Variants in MNAT1 observed in about 807,000 individuals in gnomAD.
MNAT1 encodes the protein MNAT1 component of CDK activating kinase.
MNAT1 carries 43 observed loss-of-function variants against 42.0 expected under a neutral mutation model. That is an observed-to-expected ratio of 1.02 (90% CI 0.80 to 1.32). The LOEUF (loss-of-function observed/expected upper bound fraction) is 1.32, where lower values mean the gene tolerates loss of function less well. Ranked by LOEUF, MNAT1 falls within the 40% of genes most tolerant of loss-of-function variation. The pLI is 0.00. For missense variants in MNAT1, 306 were observed against 350.4 expected (o/e 0.87, Z 1.01); for synonymous variants, 118 against 120.0 (o/e 0.98, Z 0.11).
At chr14:60,805,455 G>T (rs143520705) in intron 3 of MNAT1, among the ~76,000 whole-genome samples, 287 of 152,212 alleles carry the variant, frequency 1.9e-3, no homozygotes, top group African/African-American at 6.8e-3. Flanking sequence ...CATTTTTGGT[G>T]CTGTATACCC....
At chr14:60,861,965 T>A (rs1394845033) in intron 6 of MNAT1, among the ~76,000 whole-genome samples, 1 of 152,188 alleles carries the variant, frequency 6.6e-6, no homozygotes, top group Non-Finnish European at 1.5e-5. Context: ...TTCAAAGTTG[T>A]TAGAATGAGA....
chr14:60,865,187 G>T (rs1016178650), intron 6 of MNAT1, among the ~76,000 whole-genome samples: 3 of 151,814 alleles, frequency 2.0e-5, no homozygotes, highest in African/African-American at 7.3e-5. Flanking sequence ...ATCTTTTCAC[G>T]GAAAAATATT....
intron 7 of MNAT1, among the ~76,000 whole-genome samples, chr14:60,920,663 G>A (rs1217737963): frequency 1.3e-5 from 2 of 151,844 alleles, no homozygotes; most frequent in Non-Finnish European, 2.9e-5. Context: ...GGTTGGTCTC[G>A]AACTCCTGAC....
chr14:60,842,533 G>T (rs2033579683), intron 6 of MNAT1, among the ~76,000 whole-genome samples: 1 of 152,174 alleles, frequency 6.6e-6, no homozygotes, highest in Non-Finnish European at 1.5e-5. Flanking sequence ...GGAAACCATT[G>T]ATTCTTATTT....
intron 1 of MNAT1, chr14:60,780,363 G>T: frequency 1.3e-6 from 2 of 1,579,284 alleles, no homozygotes; most frequent in Non-Finnish European, 1.7e-6. Context: ...GATGAAATCC[G>T]TTCAGTCATC....
chr14:60,861,449 G>A (rs994214444), intron 6 of MNAT1, among the ~76,000 whole-genome samples: 4 of 151,952 alleles, frequency 2.6e-5, no homozygotes, highest in Admixed American at 1.3e-4. Context: ...AGCATATTTG[G>A]CACTATGTAT....
chr14:60,910,456 T>C (rs1594860770), intron 7 of MNAT1, among the ~76,000 whole-genome samples: 1 of 152,220 alleles, frequency 6.6e-6, no homozygotes, highest in African/African-American at 2.4e-5. Flanking sequence ...ATATTGGCTG[T>C]GGGTTTGTCA....
chr14:60,928,948 A>G (rs973311479), intron 7 of MNAT1, among the ~76,000 whole-genome samples: 14 of 151,106 alleles, frequency 9.3e-5, no homozygotes, highest in African/African-American at 3.4e-4. Flanking sequence ...GGAGATCAAG[A>G]CCATCCTGGC....
chr14:60,847,313 A>G (rs2033706752), intron 6 of MNAT1, among the ~76,000 whole-genome samples: 1 of 151,620 alleles, frequency 6.6e-6, no homozygotes, highest in Non-Finnish European at 1.5e-5. Context: ...CTGAGGCAGG[A>G]GAATGGCATG....
At chr14:60,826,222 A>C (rs575514561) in intron 6 of MNAT1, among the ~76,000 whole-genome samples, 1 of 152,034 alleles carries the variant, frequency 6.6e-6, no homozygotes, top group South Asian at 2.1e-4. Context: ...TGTTAGGCAT[A>C]GGGTCTTAGA....
chr14:60,784,567 G>A (rs945911985), intron 1 of MNAT1, among the ~76,000 whole-genome samples: 2 of 151,910 alleles, frequency 1.3e-5, no homozygotes, highest in African/African-American at 4.8e-5. Flanking sequence ...TGCAACCTCC[G>A]CCTCCCGGGT....
At chr14:60,759,182 TAAAG>T (rs1409669421) in intron 1 of MNAT1, among the ~76,000 whole-genome samples, 1 of 152,198 alleles carries the variant, frequency 6.6e-6, no homozygotes, top group Non-Finnish European at 1.5e-5. Context: ...GTTCTGTTAT[TAAAG>T]AAATATAAGC....
At chr14:60,956,246 G>C (rs1486944158) in intron 7 of MNAT1, among the ~76,000 whole-genome samples, 1 of 151,904 alleles carries the variant, frequency 6.6e-6, no homozygotes, top group East Asian at 1.9e-4. Flanking sequence ...CTTCCCTTTT[G>C]ATTTCTTCTT....
At chr14:60,741,824 C>T (rs1193635056) in intron 1 of MNAT1, among the ~76,000 whole-genome samples, 2 of 151,866 alleles carry the variant, frequency 1.3e-5, no homozygotes, top group Admixed American at 6.6e-5. Flanking sequence ...CATTTACTTT[C>T]AACCAATTTG....
intron 1 of MNAT1, among the ~76,000 whole-genome samples, chr14:60,782,511 T>C (rs954684821): frequency 4.6e-5 from 7 of 152,198 alleles, no homozygotes; most frequent in African/African-American, 1.7e-4. Context: ...ATTTCTTGAA[T>C]CCTTTAACAG....
chr14:60,903,567 A>G (rs1183992282), intron 7 of MNAT1, among the ~76,000 whole-genome samples: 1 of 152,194 alleles, frequency 6.6e-6, no homozygotes, highest in Non-Finnish European at 1.5e-5. Context: ...AGTTTTGACA[A>G]ACACATCCAG....
At chr14:60,743,435 T>C (rs1303402674) in intron 1 of MNAT1, among the ~76,000 whole-genome samples, 1 of 152,088 alleles carries the variant, frequency 6.6e-6, no homozygotes, top group African/African-American at 2.4e-5. Flanking sequence ...ATTACAGGTG[T>C]GTGCCACCAT....
At chr14:60,834,294 G>A (rs1317940822) in intron 6 of MNAT1, among the ~76,000 whole-genome samples, 2 of 147,728 alleles carry the variant, frequency 1.4e-5, no homozygotes, top group East Asian at 2.0e-4. Flanking sequence ...TTCCCACTTC[G>A]TACTGCCATA....
chr14:60,820,554 G>C (rs1176620484), intron 6 of MNAT1, among the ~76,000 whole-genome samples: 1 of 144,756 alleles, frequency 6.9e-6, no homozygotes, highest in Non-Finnish European at 1.5e-5. Context: ...TTTTTTTTCA[G>C]TTGCTGACTA....
Sources: gnomAD v4.1 joint callset for allele counts (sites outside exome capture counted in the v4.1 genomes callset) on GRCh38, gnomAD v4.1.1 for gene constraint, MANE v1.5 for transcripts, NCBI Gene and HGNC (gene_info 2026-07-23, HGNC 2026-07-21) for gene names.